CCSER1: variants seen among roughly 807,000 people sequenced by gnomAD.
CCSER1 encodes serine-rich coiled-coil domain-containing protein 1.
Under a neutral mutation model 82.0 loss-of-function variants are expected in CCSER1, and 41 were observed. The ratio of observed to expected loss-of-function variants is 0.50; its 90% confidence interval spans 0.39 to 0.65. The LOEUF (loss-of-function observed/expected upper bound fraction) is 0.65. CCSER1 is among the 30% of genes least tolerant of loss of function. The pLI, the probability that CCSER1 is intolerant of heterozygous loss-of-function variation, is 0.00. For synonymous variants in CCSER1, 414 were observed against 383.9 expected (o/e 1.08, Z -0.92); for missense variants, 1,119 against 1,064.2 (o/e 1.05, Z -0.72).
At chr4:91,051,987 G>T (rs1008131860) in intron 9 of CCSER1, among the ~76,000 whole-genome samples, 1 of 151,972 alleles carries the variant, frequency 6.6e-6, no homozygotes, top group African/African-American at 2.4e-5. Flanking sequence ...CAAAGGAAAA[G>T]ACATGCAATT....
At chr4:91,349,108 C>T (rs755894487) in intron 10 of CCSER1, among the ~76,000 whole-genome samples, 1 of 152,054 alleles carries the variant, frequency 6.6e-6, no homozygotes, top group South Asian at 2.1e-4. Context: ...AGGGTTTCAC[C>T]GTGTTAGCCA....
At position 91,604,258 on chromosome 4, in the gene CCSER1, GA is replaced by G. The variant is rs1764899495; in HGVS notation, c.*5202del. 1 of 152,068 alleles carries G rather than the reference GA, an allele frequency of 6.6e-6. No homozygotes were observed. The highest frequency in any genetic ancestry group is 2.4e-5 in the African/African-American group (1 of 41,430). The allele number at this position is 152,068 out of a possible 1,614,324, so 9.4% of individuals were successfully genotyped here. ...GAATAGGATCTCTCCTAAGGAGGCA[GA>G]GTGATTTAAACAAACATGTGCTGCT... On this transcript the variant is annotated 3_prime_UTR_variant, in exon 11 of 11. Coordinates refer to ENST00000509176, the MANE Select transcript of CCSER1 (RefSeq NM_001145065.2).
intron 9 of CCSER1, among the ~76,000 whole-genome samples, chr4:90,931,159 A>G (rs1729761328): frequency 6.6e-6 from 1 of 151,056 alleles, no homozygotes; most frequent in African/African-American, 2.4e-5. Flanking sequence ...GTCTATTAAT[A>G]CACACACACA....
chr4:91,508,162 G>GTTT lies in CCSER1; in HGVS notation c.2218-90395_2218-90393dup, dbSNP rs139066436. Among the ~76,000 whole-genome samples the GTTT allele has an allele frequency of 2.5e-4, 24 of 97,646 alleles. 1 individual carries two copies. Among genetic ancestry groups the GTTT allele is most frequent in the South Asian group, 1.5e-3 (4 of 2,720 alleles). The allele number at this position is 97,646 out of a possible 152,430, so 64.1% of individuals were successfully genotyped here. On this transcript the variant is annotated intron_variant, in intron 10 of 10. Coordinates refer to ENST00000509176, the MANE Select transcript of CCSER1 (RefSeq NM_001145065.2). ...GAGATCCTTTTTTTTTTTTTTCTGG[G>GTTT]TTTTTTTTTTTTTTTTTCCTGATCT... is the stretch of plus-strand genomic sequence containing the variant.
chr4:90,962,067 G>A (rs1377635533), intron 9 of CCSER1, among the ~76,000 whole-genome samples: 1 of 152,002 alleles, frequency 6.6e-6, no homozygotes, highest in African/African-American at 2.4e-5. Context: ...ATAACACTTT[G>A]AGAAAATATT....
At chr4:91,002,099 G>A (rs1436183716) in intron 9 of CCSER1, among the ~76,000 whole-genome samples, 4 of 152,176 alleles carry the variant, frequency 2.6e-5, no homozygotes, top group Non-Finnish European at 5.9e-5. Flanking sequence ...CTTCTAGCTT[G>A]TAGAATTTCT....
chr4:90,408,797 G>C (rs376649828), intron 4 of CCSER1, among the ~76,000 whole-genome samples: 1 of 152,366 alleles, frequency 6.6e-6, no homozygotes, highest in South Asian at 2.1e-4. Flanking sequence ...ACTTTGATGA[G>C]TTGAGAGAAG....
Position 91,516,418 on chromosome 4 carries a change from T to G in CCSER1, c.2218-82154T>G, listed in dbSNP as rs146410144. On this transcript the variant is annotated intron_variant, in intron 10 of 10. Transcript: ENST00000509176. ...AAGGAGGCATCTGGTTTCAATCTTC[T>G]GCATATGGCTAGACAGCTATCCCAG... Among the ~76,000 whole-genome samples, 663 of 152,312 alleles carry G rather than the reference T, an allele frequency of 4.4e-3. 8 individuals carry two copies. Among genetic ancestry groups the G allele is most frequent in the African/African-American group, 0.015 (615 of 41,580 alleles).
chr4:91,396,551 T>A (rs771396057), intron 10 of CCSER1, among the ~76,000 whole-genome samples: 1 of 152,104 alleles, frequency 6.6e-6, no homozygotes, highest in Non-Finnish European at 1.5e-5. Context: ...GCATCTGTCT[T>A]AGCAATGTAT....
chr4:90,297,483 A>G (rs953823319), intron 1 of CCSER1, among the ~76,000 whole-genome samples: 2 of 151,476 alleles, frequency 1.3e-5, no homozygotes, highest in Non-Finnish European at 2.9e-5. Context: ...AATGCCCTTT[A>G]TTTCCTTCTC....
intron 5 of CCSER1, among the ~76,000 whole-genome samples, chr4:90,578,335 G>A (rs1054776114): frequency 6.6e-6 from 1 of 152,092 alleles, no homozygotes; most frequent in African/African-American, 2.4e-5. Context: ...AGCTTTAGGG[G>A]ACAACTTATT....
chr4:90,691,876 C>T (rs778973491), intron 6 of CCSER1, among the ~76,000 whole-genome samples: 3 of 151,640 alleles, frequency 2.0e-5, no homozygotes, highest in African/African-American at 4.8e-5. Context: ...ACATAGGTTC[C>T]CGTGTCTGTT....
chr4:91,308,428 T>A (rs920754361), intron 10 of CCSER1, among the ~76,000 whole-genome samples: 7 of 151,964 alleles, frequency 4.6e-5, no homozygotes, highest in African/African-American at 1.7e-4. Flanking sequence ...AACAAATCAC[T>A]AGGTAGGAGA....
In CCSER1 at chr4:90,308,879, C is replaced by G; in HGVS notation, c.595C>G (p.Gln199Glu). ...ATTTTCTAAGCCAGTTCTACAGAGC[C>G]AATCCATTTCATTGGTACAACAGTC... ...YKFSKPVLQS[Q>E]SISLVQQSEF... The change falls in exon 2 of 11, where the codon CAA (glutamine) becomes GAA (glutamate). Residue 199 changes from glutamine to glutamate, a missense_variant. Coordinates refer to ENST00000509176, the MANE Select transcript of CCSER1 (RefSeq NM_001145065.2). 1 of 1,613,826 alleles carries G rather than the reference C, an allele frequency of 6.2e-7. No homozygotes were observed. The highest frequency in any genetic ancestry group is 8.5e-7 in the Non-Finnish European group (1 of 1,179,802).
chr4:90,599,166 G>T (rs1783740560), intron 5 of CCSER1, among the ~76,000 whole-genome samples: 1 of 152,052 alleles, frequency 6.6e-6, no homozygotes, highest in Admixed American at 6.5e-5. Context: ...AGGTATCCGT[G>T]GTGGTTGATA....
intron 5 of CCSER1, among the ~76,000 whole-genome samples, chr4:90,499,714 A>C (rs1769564670): frequency 6.6e-6 from 1 of 152,186 alleles, no homozygotes; most frequent in South Asian, 2.1e-4. Flanking sequence ...AATTTTTGTC[A>C]GATCTTAATG....
chr4:90,810,435 G>A (rs1476853316), intron 7 of CCSER1, among the ~76,000 whole-genome samples: 1 of 152,102 alleles, frequency 6.6e-6, no homozygotes, highest in African/African-American at 2.4e-5. Context: ...ATCACCTGAG[G>A]TCTGGAGTTT....
chr4:91,096,960 C>G (rs779622868), intron 10 of CCSER1, among the ~76,000 whole-genome samples: 1 of 152,120 alleles, frequency 6.6e-6, no homozygotes, highest in Admixed American at 6.5e-5. Context: ...ACAGGCACAC[C>G]GTGGGTGATC....
chr4:90,832,952 G>A (rs940842167), intron 8 of CCSER1, among the ~76,000 whole-genome samples: 11 of 152,180 alleles, frequency 7.2e-5, no homozygotes, highest in Non-Finnish European at 1.3e-4. Flanking sequence ...ATCTGTGAGA[G>A]AGCAGGAAGA....
Sources: gnomAD v4.1 joint callset for allele counts (sites outside exome capture counted in the v4.1 genomes callset) on GRCh38, gnomAD v4.1.1 for gene constraint, MANE v1.5 for transcripts, NCBI Gene and HGNC (gene_info 2026-07-23, HGNC 2026-07-21) for gene names.